ROBO2: variants seen among roughly 807,000 people sequenced by gnomAD.
ROBO2 encodes the protein roundabout guidance receptor 2.
A neutral mutation model predicts 160.8 loss-of-function variants in ROBO2; 53 were observed. The ratio of observed to expected loss-of-function variants is 0.33; its 90% confidence interval spans 0.26 to 0.41. ROBO2 has a LOEUF of 0.41. Among genes scored for constraint, ROBO2 ranks in the 10% least tolerant of loss-of-function variants. ROBO2 has a pLI of 1.00. For missense variants in ROBO2, 1,577 were observed against 1,722.4 expected, an observed-to-expected ratio of 0.92 and a Z score of 1.49; for synonymous variants, 664 against 611.7, an observed-to-expected ratio of 1.09 and a Z score of -1.26.
chr3:77,266,188 CTT>C (rs879905756), intron 2 of ROBO2, among the ~76,000 whole-genome samples: 29 of 145,000 alleles, frequency 2.0e-4, no homozygotes, highest in African/African-American at 5.5e-4. Flanking sequence ...TTTATTTCTA[CTT>C]TTTTTTTTTT....
At chr3:76,002,658 A>T (rs2065920494) in intron 2 of ROBO2, among the ~76,000 whole-genome samples, 1 of 151,796 alleles carries the variant, frequency 6.6e-6, no homozygotes, top group South Asian at 2.1e-4. Flanking sequence ...AGTTCGTTAA[A>T]CCTCTTTTTC....
chr3:76,777,956 C>T (rs569194596), intron 2 of ROBO2, among the ~76,000 whole-genome samples: 2 of 151,142 alleles, frequency 1.3e-5, no homozygotes, highest in African/African-American at 4.8e-5. Flanking sequence ...AATAAGTTAC[C>T]ATAGGCCCCT....
At chr3:76,473,790 G>A (rs60660301) in intron 2 of ROBO2, among the ~76,000 whole-genome samples, 31,700 of 152,040 alleles carry the variant, frequency 0.21, 3,559 homozygotes, top group Admixed American at 0.3. Context: ...TTGAAGAAAT[G>A]TTAAATTTTT....
intron 2 of ROBO2, among the ~76,000 whole-genome samples, chr3:76,019,241 C>T (rs2066495564): frequency 1.3e-5 from 2 of 151,426 alleles, no homozygotes; most frequent in South Asian, 4.2e-4. Context: ...CTAATATTTG[C>T]GTTATCGCCT....
At chr3:76,985,818 T>C (rs1440178142) in intron 2 of ROBO2, among the ~76,000 whole-genome samples, 1 of 152,088 alleles carries the variant, frequency 6.6e-6, no homozygotes, top group Non-Finnish European at 1.5e-5. Context: ...ATAACATATA[T>C]GATGCCAGTA....
At chr3:76,936,321 A>G (rs1323704351) in intron 2 of ROBO2, among the ~76,000 whole-genome samples, 1 of 152,228 alleles carries the variant, frequency 6.6e-6, no homozygotes, top group Non-Finnish European at 1.5e-5. Flanking sequence ...GTAATTCTTC[A>G]TATGTCTCCT....
At chr3:76,370,025 G>A (rs991767962) in intron 2 of ROBO2, among the ~76,000 whole-genome samples, 28 of 152,054 alleles carry the variant, frequency 1.8e-4, no homozygotes, top group African/African-American at 6.5e-4. Context: ...TATACAATTA[G>A]TTTAGTAGAT....
chr3:75,985,637 A>G (rs1264255157), intron 2 of ROBO2, among the ~76,000 whole-genome samples: 1 of 151,584 alleles, frequency 6.6e-6, no homozygotes, highest in Non-Finnish European at 1.5e-5. Context: ...TACTAAGTAC[A>G]TTTATATTGT....
intron 2 of ROBO2, among the ~76,000 whole-genome samples, chr3:76,504,519 CTTTTTTTTTTT>C (rs57591523): frequency 2.3e-3 from 167 of 73,564 alleles, no homozygotes; most frequent in African/African-American, 7.9e-3. Flanking sequence ...AGAAAATACT[CTTTTTTTTTTT>C]TTTTTTTTTT....
chr3:76,946,360 T>G, intron 2 of ROBO2, among the ~76,000 whole-genome samples: 1 of 151,124 alleles, frequency 6.6e-6, no homozygotes, highest in Non-Finnish European at 1.5e-5. Flanking sequence ...ACTCAGTTGA[T>G]TACTTGAAAA....
At chr3:76,590,181 T>G (rs1034956420) in intron 2 of ROBO2, among the ~76,000 whole-genome samples, 1 of 152,082 alleles carries the variant, frequency 6.6e-6, no homozygotes, top group African/African-American at 2.4e-5. Flanking sequence ...AAGAGTACAT[T>G]TTTACTCAAA....
At chr3:76,038,496 C>A (rs542262090) in intron 2 of ROBO2, among the ~76,000 whole-genome samples, 1 of 152,004 alleles carries the variant, frequency 6.6e-6, no homozygotes, top group African/African-American at 2.4e-5. Context: ...TACCTGCAAC[C>A]CATGACTGAT....
chr3:76,097,054 T>C (rs1196712925), intron 2 of ROBO2, among the ~76,000 whole-genome samples: 1 of 151,888 alleles, frequency 6.6e-6, no homozygotes, highest in Non-Finnish European at 1.5e-5. Context: ...CAACATTATC[T>C]ATGATTAAAA....
intron 2 of ROBO2, among the ~76,000 whole-genome samples, chr3:77,161,538 C>A (rs1199327444): frequency 2.0e-5 from 3 of 152,056 alleles, no homozygotes; most frequent in East Asian, 3.9e-4. Flanking sequence ...TTTTGCATAA[C>A]CTGAAGAGAG....
chr3:76,995,359 A>G (rs1205278535), intron 2 of ROBO2, among the ~76,000 whole-genome samples: 1 of 152,182 alleles, frequency 6.6e-6, no homozygotes, highest in African/African-American at 2.4e-5. Context: ...ATTGATGGAC[A>G]TTTGGGTGGG....
At chr3:77,161,554 T>A (rs1024398567) in intron 2 of ROBO2, among the ~76,000 whole-genome samples, 1 of 152,222 alleles carries the variant, frequency 6.6e-6, no homozygotes, top group Non-Finnish European at 1.5e-5. Flanking sequence ...GAGAGTAAAG[T>A]AGTTGAACAT....
chr3:76,469,222 A>G (rs2078521761), intron 2 of ROBO2, among the ~76,000 whole-genome samples: 1 of 152,014 alleles, frequency 6.6e-6, no homozygotes, highest in Admixed American at 6.6e-5. Flanking sequence ...TGACGATAAT[A>G]ATGATGATGA....
At chr3:77,543,131 T>C (rs1411237534) in intron 6 of ROBO2, among the ~76,000 whole-genome samples, 1 of 152,162 alleles carries the variant, frequency 6.6e-6, no homozygotes, top group Non-Finnish European at 1.5e-5. Context: ...AGCTCTAATG[T>C]AGCCATGCCC....
Position 77,267,392 on chromosome 3 carries a change from A to G in ROBO2, c.388+169052A>G, listed in dbSNP as rs543411482. Among the ~76,000 whole-genome samples the G allele has an allele frequency of 1.4e-4, 22 of 152,324 alleles. 1 individual carries two copies. The South Asian group carries it at 3.9e-3, about 27-fold the overall frequency. On this transcript the variant is annotated intron_variant, in intron 2 of 25. Transcript: ENST00000461745. ...CAGGGAAACTCGGCAGAAAGAAATG[A>G]TAAGTTAATTGTTGAAATGTTTCAT...
Sources: allele counts gnomAD v4.1 joint callset (sites outside exome capture counted in the v4.1 genomes callset), GRCh38; gene constraint gnomAD v4.1.1; transcripts MANE v1.5; gene names NCBI Gene and HGNC (gene_info 2026-07-23, HGNC 2026-07-21).